Variants in NEB observed in about 807,000 individuals in gnomAD.
The protein encoded by NEB is nebulin, also known as nemaline myopathy type 2.
NEB carries 512 observed loss-of-function variants against 952.2 expected under a neutral mutation model. The ratio of observed to expected loss-of-function variants is 0.54; its 90% CI spans 0.50 to 0.58. The LOEUF is 0.58. NEB is among the 20% of genes least tolerant of loss of function. The probability of loss-of-function intolerance (pLI) is 0.00; values close to 1 mark genes in which losing one functional copy is unlikely to be tolerated. For synonymous variants in NEB, 2,900 were observed against 3,149.8 expected (o/e 0.92, Z 2.66); for missense variants, 8,428 against 9,231.1 (o/e 0.91, Z 3.56).
Position 151,615,215 on chromosome 2 carries a change from G to A in NEB, c.11290-628C>T, listed in dbSNP as rs144289060. ...ACAGCAAGAAAAGTTTTGATAATAC[G>A]GTGTGTGTCCTTAACCTTGGCAAAA... On this transcript the variant is annotated intron_variant, in intron 76 of 181. Coordinates refer to ENST00000397345, the MANE Select transcript of NEB (RefSeq NM_001164508.2). 3.3e-3 allele frequency among the ~76,000 whole-genome samples: 508 copies of A among 152,258 alleles called. 4 individuals carry two copies. Among genetic ancestry groups the A allele is most frequent in the Non-Finnish European group, 5.8e-3 (392 of 68,018 alleles).
chr2:151,661,659 T>C (rs1192191379), intron 46 of NEB, among the ~76,000 whole-genome samples: 1 of 152,208 alleles, frequency 6.6e-6, no homozygotes, highest in Non-Finnish European at 1.5e-5. Flanking sequence ...AAGGAAACAC[T>C]GATGTAGAAC....
intron 51 of NEB, among the ~76,000 whole-genome samples, chr2:151,654,415 T>G (rs2099064441): frequency 6.6e-6 from 1 of 152,208 alleles, no homozygotes; most frequent in African/African-American, 2.4e-5. Flanking sequence ...TAATACCGCC[T>G]GGGCTTACTA....
At chr2:151,714,118 C>A (rs887294106) in intron 10 of NEB, among the ~76,000 whole-genome samples, 1 of 152,264 alleles carries the variant, frequency 6.6e-6, no homozygotes, top group South Asian at 2.1e-4. Flanking sequence ...CTCCCACCCC[C>A]ATCCTGTCTC....
intron 61 of NEB, 134 bp from the exon 62 acceptor site, chr2:151,640,194 CTT>C: frequency 1.4e-6 from 2 of 1,459,542 alleles, no homozygotes; most frequent in Non-Finnish European, 1.9e-6. Flanking sequence ...CAATATTCCT[CTT>C]TGGTCTGAAG....
intron 52 of NEB, among the ~76,000 whole-genome samples, chr2:151,651,490 C>A (rs968514799): frequency 6.6e-6 from 1 of 152,144 alleles, no homozygotes; most frequent in African/African-American, 2.4e-5. Context: ...CGTCATATAA[C>A]CTTGTCCTGT....
chr2:151,643,268 G>T lies in NEB; in HGVS notation c.8042C>A (p.Ala2681Asp). The change falls in exon 58 of 182, where the codon GCC becomes GAC. Residue 2681 changes from alanine to aspartate, a missense_variant. Ala to Asp is a moderately radical substitution (Grantham distance 126). Around this residue, in one of 11 missense-constraint regions of NEB, gnomAD observed 1,772 missense variants for 1,960.3 expected, o/e 0.90. Coordinates refer to ENST00000397345, the MANE Select transcript of NEB (RefSeq NM_001164508.2). The part of the protein sequence containing the change: ...GSLEDEKNKR[A>D]TQILSDHVYR... ...AACATGGTCACTCAAAATCTGGGTG[G>T]CTCGTTTATTTTTCTCATCCTCGAG... 6.2e-7 allele frequency: 1 copy of T among 1,613,838 alleles called. No homozygotes were observed. The highest frequency in any genetic ancestry group is 8.5e-7 in the Non-Finnish European group (1 of 1,179,796).
chr2:151,561,062 G>A lies in NEB; in HGVS notation c.19148C>T (p.Thr6383Ile), dbSNP rs1282437220. ...NYHQIKDKYTTVLETVDYDRT... is the reference protein window; with the variant it reads ...NYHQIKDKYTIVLETVDYDRT... ...GTCATAATCCACTGTTTCTAGAACTGTTGTGTATTTGTCCTTAATCTGATG... is the reference window on the plus strand; with the variant it reads ...GTCATAATCCACTGTTTCTAGAACTATTGTGTATTTGTCCTTAATCTGATG... The change falls in exon 123 of 182, where the codon ACA becomes ATA. Residue 6383 changes from threonine to isoleucine, a missense_variant. By Grantham distance (89) the Thr-to-Ile change is moderately conservative. This residue lies in a region of NEB where 3,374 missense variants were observed against 3,651.5 expected (regional missense o/e 0.92). Coordinates refer to ENST00000397345, the MANE Select transcript of NEB (RefSeq NM_001164508.2). 6.2e-7 allele frequency: 1 copy of A among 1,607,992 alleles called. No homozygotes were observed. Among genetic ancestry groups the A allele is most frequent in the Admixed American group, 1.7e-5 (1 of 59,492 alleles).
intron 179 of NEB, 75 bp from the exon 180 acceptor site, chr2:151,490,593 T>C: frequency 6.6e-7 from 1 of 1,511,036 alleles, no homozygotes; most frequent in Non-Finnish European, 9.0e-7. Flanking sequence ...AGTGATTGAA[T>C]CTCAGTTATT....
chr2:151,650,527 T>C (rs763877318), intron 53 of NEB, 47 bp downstream of exon 53: 3 of 1,503,762 alleles, frequency 2.0e-6, no homozygotes, highest in East Asian at 4.6e-5. Flanking sequence ...GCTACTCATA[T>C]AAAATATGAA....
At chr2:151,549,065 A>G (rs905978867) in intron 130 of NEB, among the ~76,000 whole-genome samples, 3 of 152,140 alleles carry the variant, frequency 2.0e-5, no homozygotes, top group African/African-American at 7.2e-5. Context: ...AAAAGTGGAG[A>G]AGGGCAACAT....
At position 151,531,895 on chromosome 2, in the gene NEB, A is replaced by G. The variant is rs200112795; in HGVS notation, c.21419T>C (p.Ile7140Thr). 1.9e-4 allele frequency: 286 copies of G among 1,540,868 alleles called. 5 individuals are homozygous for G. In the East Asian group the frequency reaches 4.7e-3, roughly 26 times the overall value. ...ALYNSHMWSQ[I>T]KYRKNYEKSK... ...TTTTTCATAGTTTTTCCTGTATTTG[A>G]TCTAAATTGTGGAAGAGAAGAAAGA... The change falls in exon 144 of 182, where the codon ATC becomes ACC. Residue 7140 changes from isoleucine to threonine, a missense_variant and splice_region_variant. By Grantham distance (89) the Ile-to-Thr change is moderately conservative. Around this residue, in one of 11 missense-constraint regions of NEB, gnomAD observed 3,374 missense variants for 3,651.5 expected, o/e 0.92. Transcript: ENST00000397345.
chr2:151,729,565 T>G lies in NEB; in HGVS notation c.78+50A>C, dbSNP rs765554340. 7 of 1,595,240 alleles carry G rather than the reference T, an allele frequency of 4.4e-6. No homozygotes were observed. In the South Asian group the frequency reaches 7.7e-5, roughly 18 times the overall value. Reference sequence around the variant, plus strand: ...GGGAGTCTAAGAAAGGAGAAAGCTCTTCCTGCTTTAATGAGAATGCAGTTT... The same window carrying G: ...GGGAGTCTAAGAAAGGAGAAAGCTCGTCCTGCTTTAATGAGAATGCAGTTT... On this transcript the variant is annotated intron_variant, in intron 4 of 181. Transcript: ENST00000397345.
At chr2:151,644,641 A>C (rs2098930844) in intron 55 of NEB, 66 bp from the exon 56 acceptor site, 8 of 1,287,838 alleles carry the variant, frequency 6.2e-6, no homozygotes, top group Non-Finnish European at 9.0e-6. Context: ...CATAATGATC[A>C]AATGTGCTAA....
chr2:151,488,728 C>T (rs1355697008), intron 181 of NEB, among the ~76,000 whole-genome samples: 1 of 152,080 alleles, frequency 6.6e-6, no homozygotes, highest in East Asian at 1.9e-4. Flanking sequence ...GGTACAGCTA[C>T]AGTTTATGCT....
chr2:151,627,421 A>T, intron 69 of NEB, 102 bp downstream of exon 69: 1 of 1,501,746 alleles, frequency 6.7e-7, no homozygotes, highest in Non-Finnish European at 9.0e-7. Flanking sequence ...GAGAGAAGAA[A>T]TGTCATCCCT....
chr2:151,729,138 T>C (rs778294382), intron 4 of NEB, among the ~76,000 whole-genome samples: 1 of 152,158 alleles, frequency 6.6e-6, no homozygotes, highest in Non-Finnish European at 1.5e-5. Flanking sequence ...TGTGCTAAAA[T>C]CTGAGTAGCA....
chr2:151,549,683 T>G lies in NEB; in HGVS notation c.20002A>C (p.Thr6668Pro). Residue 6668 changes from threonine to proline, a missense_variant, in exon 130 of 182, where the codon ACT becomes CCT. Physicochemically the swap from Thr to Pro is conservative, Grantham distance 38 (BLOSUM62 -1). Around this residue, in one of 11 missense-constraint regions of NEB, gnomAD observed 3,374 missense variants for 3,651.5 expected, o/e 0.92. Coordinates refer to ENST00000397345, the MANE Select transcript of NEB (RefSeq NM_001164508.2). Reference protein sequence around the residue: ...LPTGYRLPGDTPHFKHIKDTR... With the variant: ...LPTGYRLPGDPPHFKHIKDTR... ...TCCTTGATGTGTTTGAAGTGAGGAG[T>G]GTCACCTGGAAGTCTATATCCAGTG... 6.2e-7 allele frequency: 1 copy of G among 1,601,370 alleles called. No homozygotes were observed. Among genetic ancestry groups the G allele is most frequent in the Non-Finnish European group, 8.5e-7 (1 of 1,173,526 alleles).
At chr2:151,508,911 C>T (rs1438291562) in intron 161 of NEB, among the ~76,000 whole-genome samples, 1 of 152,226 alleles carries the variant, frequency 6.6e-6, no homozygotes, top group Non-Finnish European at 1.5e-5. Flanking sequence ...TTCTCTGCAG[C>T]AGAACACTTT....
intron 68 of NEB, among the ~76,000 whole-genome samples, chr2:151,629,268 T>C (rs1339409229): frequency 6.6e-6 from 1 of 152,206 alleles, no homozygotes; most frequent in Non-Finnish European, 1.5e-5. Flanking sequence ...CTCATAATTG[T>C]AGATATGAAA....
Sources: allele counts gnomAD v4.1 joint callset (sites outside exome capture counted in the v4.1 genomes callset), GRCh38; gene constraint gnomAD v4.1.1; regional missense constraint gnomAD v4.1.1; transcripts MANE v1.5; gene names NCBI Gene and HGNC (gene_info 2026-07-23, HGNC 2026-07-21).